Variants in ELAPOR2 observed in about 807,000 individuals in gnomAD.
ELAPOR2 encodes endosome/lysosome-associated apoptosis and autophagy regulator family member 2.
Under a neutral mutation model 120.7 loss-of-function variants are expected in ELAPOR2, and 89 were observed. That is an observed-to-expected ratio of 0.74 (90% CI 0.62 to 0.88). The LOEUF is 0.88. Ranked by LOEUF, ELAPOR2 falls within the 40% of genes least tolerant of loss-of-function variation. The probability of loss-of-function intolerance (pLI) is 0.00; values close to 1 mark genes in which losing one functional copy is unlikely to be tolerated. For missense variants in ELAPOR2, 1,134 were observed against 1,251.6 expected (o/e 0.91, Z 1.42); for synonymous variants, 444 against 444.9 (o/e 1.00, Z 0.03).
intron 1 of ELAPOR2, among the ~76,000 whole-genome samples, chr7:87,039,945 T>C (rs1403957262): frequency 3.9e-5 from 6 of 152,116 alleles, no homozygotes; most frequent in South Asian, 4.1e-4. Context: ...GGGTGAGGCA[T>C]TGCCTCACTC....
chr7:86,984,720 A>G (rs904080044), intron 1 of ELAPOR2, among the ~76,000 whole-genome samples: 2 of 152,238 alleles, frequency 1.3e-5, no homozygotes, highest in African/African-American at 4.8e-5. Flanking sequence ...CTAAATGCCC[A>G]TAAGAGAAAG....
intron 14 of ELAPOR2, 130 bp downstream of exon 14, chr7:86,912,811 G>A: frequency 9.5e-7 from 1 of 1,055,858 alleles, no homozygotes; most frequent in South Asian, 1.7e-5. Flanking sequence ...AAACAGAAAT[G>A]GTAAGTAGAA....
Position 86,912,160 on chromosome 7 carries a change from C to G in ELAPOR2, c.2081G>C (p.Ser694Thr). 6.2e-7 allele frequency: 1 copy of G among 1,612,860 alleles called. No individual in the cohort carries two copies. Among genetic ancestry groups the G allele is most frequent in the Non-Finnish European group, 8.5e-7 (1 of 1,178,964 alleles). Residue 694 changes from serine (S) to threonine (T), a missense_variant, in exon 15 of 22, where the codon AGT becomes ACT. Physicochemically the swap from Ser to Thr is moderately conservative, Grantham distance 58 (BLOSUM62 1). Coordinates refer to ENST00000450689, the MANE Select transcript of ELAPOR2 (RefSeq NM_001142749.3). The part of the protein sequence containing the change: ...SLHYDFSNLS[S>T]VGSLMNGPSF... Reference sequence around the variant, plus strand: ...GGGGCCATTCATTAATGAGCCCACACTGCTGAGGTTGCTAAAGTCATAGTG... The same window carrying G: ...GGGGCCATTCATTAATGAGCCCACAGTGCTGAGGTTGCTAAAGTCATAGTG...
chr7:86,979,053 A>T (rs1792373267), intron 1 of ELAPOR2, among the ~76,000 whole-genome samples: 1 of 152,254 alleles, frequency 6.6e-6, no homozygotes, highest in Non-Finnish European at 1.5e-5. Context: ...TAATAGGCCA[A>T]CTATGCACTC....
rs894280179 is a variant in ELAPOR2 at position 87,040,086 on chromosome 7, A to G, written c.189+19239T>C. On this transcript the variant is annotated intron_variant, in intron 1 of 21. Coordinates refer to ENST00000450689, the MANE Select transcript of ELAPOR2 (RefSeq NM_001142749.3). ...ACGGGCTTAAAACACGGCGCACCAC[A>G]AGATTATATCCCGCACCTGGCTCGG... Among the ~76,000 whole-genome samples the G allele has an allele frequency of 6.6e-5, 10 of 152,012 alleles. 1 individual carries two copies. The South Asian group carries it at 1.5e-3, about 22-fold the overall frequency.
intron 1 of ELAPOR2, among the ~76,000 whole-genome samples, chr7:86,972,362 C>G (rs1174938018): frequency 6.6e-6 from 1 of 152,108 alleles, no homozygotes; most frequent in Non-Finnish European, 1.5e-5. Context: ...CCTAACCCTC[C>G]TTTGTTCTCA....
chr7:86,987,763 T>G (rs1236043161), intron 1 of ELAPOR2, among the ~76,000 whole-genome samples: 1 of 152,124 alleles, frequency 6.6e-6, no homozygotes, highest in African/African-American at 2.4e-5. Context: ...TGTAAAGTAG[T>G]TCAACCTTTG....
intron 1 of ELAPOR2, among the ~76,000 whole-genome samples, chr7:87,034,499 A>G (rs1248016536): frequency 1.3e-5 from 2 of 152,116 alleles, no homozygotes; most frequent in Non-Finnish European, 2.9e-5. Context: ...AGATCATTAA[A>G]AAAAAACCTC....
At chr7:87,037,089 T>C (rs17161264) in intron 1 of ELAPOR2, among the ~76,000 whole-genome samples, 2,426 of 152,166 alleles carry the variant, frequency 0.016, 73 homozygotes, top group African/African-American at 0.055. Flanking sequence ...CATCCTCAAA[T>C]GCTTCTCACT....
intron 8 of ELAPOR2, among the ~76,000 whole-genome samples, chr7:86,935,479 C>T (rs6465089): frequency 0.07 from 10,631 of 152,006 alleles, 518 homozygotes; most frequent in African/African-American, 0.13. Flanking sequence ...AGCACTAATC[C>T]CAATTGGAAA....
At chr7:86,930,420 G>A (rs1329088278) in intron 8 of ELAPOR2, among the ~76,000 whole-genome samples, 2 of 151,848 alleles carry the variant, frequency 1.3e-5, no homozygotes, top group South Asian at 2.1e-4. Flanking sequence ...TAAATCCTGT[G>A]CACAGAAAGG....
At chr7:86,927,513 G>T (rs6965029) in intron 8 of ELAPOR2, among the ~76,000 whole-genome samples, 30,514 of 151,716 alleles carry the variant, frequency 0.2, 4,735 homozygotes, top group African/African-American at 0.44. Context: ...CTGATCCATG[G>T]GCTCTGAACA....
intron 1 of ELAPOR2, among the ~76,000 whole-genome samples, chr7:87,043,199 C>T (rs1352470925): frequency 1.3e-5 from 2 of 151,602 alleles, no homozygotes; most frequent in Admixed American, 6.6e-5. Flanking sequence ...GGAACTGGTA[C>T]CATTCCTTCT....
intron 18 of ELAPOR2, among the ~76,000 whole-genome samples, chr7:86,903,340 CT>C (rs1406604277): frequency 3.3e-5 from 5 of 152,084 alleles, no homozygotes; most frequent in Non-Finnish European, 7.4e-5. Context: ...TGCCTTTTTA[CT>C]TTTTAATATT....
At chr7:86,915,768 A>C (rs916335674) in intron 12 of ELAPOR2, among the ~76,000 whole-genome samples, 3 of 151,148 alleles carry the variant, frequency 2.0e-5, no homozygotes, top group African/African-American at 7.3e-5. Context: ...GGAATCAAAC[A>C]TGTGATAAAG....
Position 86,891,854 on chromosome 7 carries a change from G to C in ELAPOR2, c.2900C>G (p.Thr967Ser). ...CGGGAGTTCACACTCTTTTGAGTTA[G>C]TCGTCATTACTAACTTGGAATATTT... ...EYKYSKLVMTTNSKECELPAA... is the reference protein window; with the variant it reads ...EYKYSKLVMTSNSKECELPAA... The change falls in exon 21 of 22, where the codon ACT becomes AGT. Residue 967 changes from threonine to serine, a missense_variant. Transcript: ENST00000450689. 1 of 1,609,556 alleles carries C rather than the reference G, an allele frequency of 6.2e-7. No individual in the cohort carries two copies. The highest frequency in any genetic ancestry group is 1.1e-5 in the South Asian group (1 of 90,468).
chr7:87,030,502 G>T (rs1362274337), intron 1 of ELAPOR2, among the ~76,000 whole-genome samples: 1 of 152,106 alleles, frequency 6.6e-6, no homozygotes, highest in African/African-American at 2.4e-5. Flanking sequence ...ATGGATTTGT[G>T]ATTTATGGCA....
At chr7:87,037,745 C>T (rs1260570850) in intron 1 of ELAPOR2, among the ~76,000 whole-genome samples, 1 of 152,214 alleles carries the variant, frequency 6.6e-6, no homozygotes, top group Admixed American at 6.5e-5. Flanking sequence ...CACCCACGTG[C>T]CCTTCAAGTT....
chr7:86,930,031 C>A (rs1478312258), intron 8 of ELAPOR2, among the ~76,000 whole-genome samples: 1 of 151,934 alleles, frequency 6.6e-6, no homozygotes, highest in African/African-American at 2.4e-5. Flanking sequence ...GTCTCAGGTA[C>A]TTCTTTATAG....
Sources: gnomAD v4.1 joint callset for allele counts (sites outside exome capture counted in the v4.1 genomes callset) on GRCh38, gnomAD v4.1.1 for gene constraint, MANE v1.5 for transcripts, NCBI Gene and HGNC (gene_info 2026-07-23, HGNC 2026-07-21) for gene names.